Variants in CEP295 observed in about 807,000 individuals in gnomAD.
CEP295 encodes the protein centrosomal protein 295.
In CEP295, 190 loss-of-function variants were observed where a neutral mutation model predicts 291.6. The ratio of observed to expected loss-of-function variants is 0.65; its 90% CI spans 0.58 to 0.73. CEP295 has a LOEUF of 0.73. CEP295 is among the 30% of genes least tolerant of loss of function. The probability of loss-of-function intolerance (pLI) is 0.00; values close to 1 mark genes in which losing one functional copy is unlikely to be tolerated. For missense variants in CEP295, 2,863 were observed against 2,949.4 expected (o/e 0.97, Z 0.68); for synonymous variants, 993 against 1,038.8 (o/e 0.96, Z 0.85).
At position 93,700,158 on chromosome 11, in the gene CEP295, C is replaced by T. The variant is rs1439083533; in HGVS notation, c.5246C>T (p.Thr1749Ile). 6.5e-7 allele frequency: 1 copy of T among 1,548,492 alleles called. No homozygotes were observed. Among genetic ancestry groups the T allele is most frequent in the Non-Finnish European group, 8.7e-7 (1 of 1,146,168 alleles). The change falls in exon 15 of 30, where the codon ACT (threonine) becomes ATT (isoleucine). Residue 1749 changes from threonine (T) to isoleucine (I), a missense_variant. Physicochemically the swap from Thr to Ile is moderately conservative, Grantham distance 89. Transcript: ENST00000325212. ...LQQQIQKHEE[T>I]LKDFFKDSQI... Reference sequence around the variant, plus strand: ...CAGCAGATACAGAAACATGAAGAGACTTTGAAGGATTTCTTTAAAGACAGT... The same window carrying T: ...CAGCAGATACAGAAACATGAAGAGATTTTGAAGGATTTCTTTAAAGACAGT...
At position 93,668,943 on chromosome 11, in the gene CEP295, A is replaced by G. The variant is rs550405143; in HGVS notation, c.434+11A>G. On this transcript the variant is annotated intron_variant, in intron 4 of 29. Coordinates refer to ENST00000325212, the MANE Select transcript of CEP295 (RefSeq NM_033395.2). ...GAAACAAAAAACCTGGTAAAGTAAT[A>G]ATTTTTACTATAATCTCAACTGAAA... 4 of 1,040,620 alleles carry G rather than the reference A, an allele frequency of 3.8e-6. No homozygotes were observed. The East Asian group carries it at 7.8e-5, about 20-fold the overall frequency. The allele number at this position is 1,040,620 out of a possible 1,614,324, so 64.5% of individuals were successfully genotyped here. A position where few individuals can be genotyped will look rare whatever the true frequency, so the allele number is the denominator to read the frequency against.
At chr11:93,663,754 A>G (rs960744999) in intron 1 of CEP295, among the ~76,000 whole-genome samples, 71 of 152,232 alleles carry the variant, frequency 4.7e-4, no homozygotes, top group African/African-American at 1.5e-3. Context: ...GCTTAAAAAT[A>G]ATAAATGTTT....
chr11:93,725,882 C>T (rs1954097096), intron 23 of CEP295, 51 bp downstream of exon 23: 3 of 1,459,770 alleles, frequency 2.1e-6, no homozygotes, highest in Admixed American at 2.0e-5. Context: ...TTTTTTACAT[C>T]CATTTCCTTA....
At position 93,727,596 on chromosome 11, in the gene CEP295, A is replaced by G. The variant is rs1954250409; in HGVS notation, c.7120A>G (p.Ser2374Gly). The G allele has an allele frequency of 4.5e-6, 7 of 1,550,234 alleles. No individual in the cohort carries two copies. Among genetic ancestry groups the G allele is most frequent in the African/African-American group, 4.1e-5 (3 of 72,828 alleles). ...SQLGESELFA[S>G]SGSFSLQSSI... ...ACTAGGAGAATCAGAGCTTTTTGCA[A>G]GTTCTGGATCATTTTCATTACAGAG... Residue 2374 changes from serine (S) to glycine (G), a missense_variant, in exon 24 of 30, where the codon AGT becomes GGT. By Grantham distance (56) the Ser-to-Gly change is moderately conservative. Coordinates refer to ENST00000325212, the MANE Select transcript of CEP295 (RefSeq NM_033395.2).
intron 18 of CEP295, among the ~76,000 whole-genome samples, chr11:93,714,749 G>A (rs1018285860): frequency 6.6e-6 from 1 of 152,192 alleles, no homozygotes; most frequent in Non-Finnish European, 1.5e-5. Flanking sequence ...TGCCTTGGTG[G>A]TCTTGGATAA....
intron 18 of CEP295, among the ~76,000 whole-genome samples, chr11:93,714,383 T>C (rs1953098427): frequency 6.6e-6 from 1 of 152,220 alleles, no homozygotes; most frequent in African/African-American, 2.4e-5. Context: ...CCCAAGTAGC[T>C]GGGACTACAG....
chr11:93,699,119 C>T lies in CEP295; in HGVS notation c.4207C>T (p.His1403Tyr), dbSNP rs146858324. ...CTCTTCCTTACCCCTAGTACCACAG[C>T]ATTCATTCGCCTCATTACCTCTTAA... ...DTSSLPLVPQ[H>Y]SFASLPLNES... The change falls in exon 15 of 30, where the codon CAT (histidine) becomes TAT (tyrosine). Residue 1403 changes from histidine to tyrosine, a missense_variant. By Grantham distance (83) the His-to-Tyr change is moderately conservative. Coordinates refer to ENST00000325212, the MANE Select transcript of CEP295 (RefSeq NM_033395.2). 1 of 1,549,880 alleles carries T rather than the reference C, an allele frequency of 6.5e-7. No individual in the cohort carries two copies. The highest frequency in any genetic ancestry group is 8.7e-7 in the Non-Finnish European group (1 of 1,147,038).
Position 93,729,953 on chromosome 11 carries a change from C to A in CEP295, c.7651C>A (p.His2551Asn), listed in dbSNP as rs771562800. ...EDRKTTQALR[H>N]QRGLRLYNQL... ...CAGAAAGACTACACAGGCTCTAAGGCACCAAAGGGGTCTAAGGTAGGGTTA... is the reference window on the plus strand; with the variant it reads ...CAGAAAGACTACACAGGCTCTAAGGAACCAAAGGGGTCTAAGGTAGGGTTA... Residue 2551 changes from histidine (H) to asparagine (N), a missense_variant, in exon 28 of 30, where the codon CAC becomes AAC. Coordinates refer to ENST00000325212, the MANE Select transcript of CEP295 (RefSeq NM_033395.2). 2.6e-6 allele frequency: 4 copies of A among 1,537,870 alleles called. No homozygotes were observed. In the South Asian group the frequency reaches 3.7e-5, roughly 14 times the overall value.
intron 19 of CEP295, 196 bp downstream of exon 19, chr11:93,721,608 C>G: frequency 1.3e-6 from 1 of 755,928 alleles, no homozygotes; most frequent in African/African-American, 1.7e-5. Context: ...TGCATGATCT[C>G]TACAGTTCTG....
chr11:93,703,418 T>A (rs1163197857), intron 17 of CEP295, among the ~76,000 whole-genome samples: 1 of 152,160 alleles, frequency 6.6e-6, no homozygotes, highest in Admixed American at 6.5e-5. Context: ...AATGTGGCAT[T>A]GGTAATAACT....
intron 18 of CEP295, among the ~76,000 whole-genome samples, chr11:93,707,623 A>G (rs1952597097): frequency 6.6e-6 from 1 of 152,038 alleles, no homozygotes; most frequent in African/African-American, 2.4e-5. Flanking sequence ...GGCCGGGTGT[A>G]GTGGTGGTCA....
chr11:93,697,222 A>G lies in CEP295; in HGVS notation c.2310A>G (p.Ser770=), dbSNP rs2135101427. The G allele has an allele frequency of 6.4e-7, 1 of 1,551,768 alleles. No homozygotes were observed. The highest frequency in any genetic ancestry group is 2.4e-5 in the East Asian group (1 of 40,922). The change falls in exon 15 of 30, where the codon TCA becomes TCG. Residue 770 remains serine (S), a synonymous_variant. Transcript: ENST00000325212. ...FQSLESQQLF[S]ENSENISYHL... Reference sequence around the variant, plus strand: ...GTTTAGAATCCCAACAATTGTTCTCAGAGAATAGTGAAAATATATCTTACC... The same window carrying G: ...GTTTAGAATCCCAACAATTGTTCTCGGAGAATAGTGAAAATATATCTTACC...
chr11:93,722,200 G>A, intron 20 of CEP295, 150 bp downstream of exon 20: 1 of 620,808 alleles, frequency 1.6e-6, no homozygotes, highest in Non-Finnish European at 2.8e-6. Flanking sequence ...CAGGCGTGGT[G>A]CCTCACGCCT....
intron 18 of CEP295, among the ~76,000 whole-genome samples, chr11:93,707,379 A>G (rs1952572979): frequency 6.6e-6 from 1 of 152,208 alleles, no homozygotes. Flanking sequence ...GTATATATAT[A>G]TAGCACAGGA....
Position 93,699,698 on chromosome 11 carries a change from A to T in CEP295, c.4786A>T (p.Ile1596Phe), listed in dbSNP as rs374662590. ...TAGACTTTTGAGTTTATCAAAGCCT[A>T]TTCTGCCTCAGCAAGATAATATGAC... is the stretch of plus-strand genomic sequence containing the variant. Reference protein sequence around the residue: ...QDRLLSLSKPILPQQDNMTAQ... With the variant: ...QDRLLSLSKPFLPQQDNMTAQ... The change falls in exon 15 of 30, where the codon ATT becomes TTT. Residue 1596 changes from isoleucine to phenylalanine, a missense_variant. Coordinates refer to ENST00000325212, the MANE Select transcript of CEP295 (RefSeq NM_033395.2). 6.4e-7 allele frequency: 1 copy of T among 1,551,630 alleles called. No individual in the cohort carries two copies. The highest frequency in any genetic ancestry group is 8.7e-7 in the Non-Finnish European group (1 of 1,147,040).
rs1953881140 is a variant in CEP295, at chr11:93,723,237, A to G, written c.6144A>G (p.Ile2048Met). The G allele has an allele frequency of 6.5e-7, 1 of 1,548,806 alleles. No individual in the cohort carries two copies. The highest frequency in any genetic ancestry group is 2.0e-5 in the Admixed American group (1 of 50,640). Residue 2048 changes from isoleucine to methionine, a missense_variant, in exon 21 of 30, where the codon ATA (isoleucine) becomes ATG (methionine). By Grantham distance (10) the Ile-to-Met change is conservative (BLOSUM62 1). Coordinates refer to ENST00000325212, the MANE Select transcript of CEP295 (RefSeq NM_033395.2). ...GTCACACACACTTTCAGCAAATGAT[A>G]GACAAGTACATTAATGAAGCAAATT... ...TCGHTHFQQM[I>M]DKYINEANLI...
Position 93,698,207 on chromosome 11 carries a change from T to C in CEP295, c.3295T>C (p.Ser1099Pro), listed in dbSNP as rs1405842359. The C allele has an allele frequency of 1.4e-5, 22 of 1,551,844 alleles. No individual in the cohort carries two copies. Among genetic ancestry groups the C allele is most frequent in the East Asian group, 2.4e-5 (1 of 40,918 alleles). ...LGDSKSGLVS[S>P]SSSPVVVQHS... ...GGACAGTAAGTCTGGGCTGGTGAGCTCTTCATCCTCACCAGTGGTTGTTCA... is the reference window on the plus strand; with the variant it reads ...GGACAGTAAGTCTGGGCTGGTGAGCCCTTCATCCTCACCAGTGGTTGTTCA... The change falls in exon 15 of 30, where the codon TCT becomes CCT. Residue 1099 changes from serine to proline, a missense_variant. Coordinates refer to ENST00000325212, the MANE Select transcript of CEP295 (RefSeq NM_033395.2).
At position 93,699,840 on chromosome 11, in the gene CEP295, C is replaced by T; in HGVS notation, c.4928C>T (p.Pro1643Leu). The change falls in exon 15 of 30, where the codon CCC becomes CTC. Residue 1643 changes from proline (P) to leucine (L), a missense_variant. By Grantham distance (98) the Pro-to-Leu change is moderately conservative. Transcript: ENST00000325212. ...AGTGAATCTGCTGAGCATACTATCC[C>T]CTCTTTGTTTCTACCCAAGGAAACA... is the stretch of plus-strand genomic sequence containing the variant. The part of the protein sequence containing the change: ...NKSESAEHTI[P>L]SLFLPKETEH... 6.4e-7 allele frequency: 1 copy of T among 1,552,186 alleles called. No homozygotes were observed. Among genetic ancestry groups the T allele is most frequent in the Non-Finnish European group, 8.7e-7 (1 of 1,147,098 alleles).
chr11:93,702,398 T>G, intron 15 of CEP295, 62 bp from the exon 16 acceptor site: 1 of 1,114,804 alleles, frequency 9.0e-7, no homozygotes, highest in Non-Finnish European at 1.2e-6. Context: ...ATAAATCTAA[T>G]GAATAATGCT....
Sources: gnomAD v4.1 joint callset for allele counts (sites outside exome capture counted in the v4.1 genomes callset) on GRCh38, gnomAD v4.1.1 for gene constraint, MANE v1.5 for transcripts, NCBI Gene and HGNC (gene_info 2026-07-23, HGNC 2026-07-21) for gene names.